ANO7: variants seen among roughly 807,000 people sequenced by gnomAD.
ANO7 encodes anoctamin 7.
A neutral mutation model predicts 115.8 loss-of-function variants in ANO7; 114 were observed. The ratio of observed to expected loss-of-function variants is 0.98; its 90% CI spans 0.85 to 1.15. The LOEUF (loss-of-function observed/expected upper bound fraction) is 1.15, where lower values mean the gene tolerates loss of function less well. ANO7 is among the 50% of genes most tolerant of loss of function. ANO7 has a pLI of 0.00. For missense variants in ANO7, 1,302 were observed against 1,201.2 expected (o/e 1.08, Z -1.24); for synonymous variants, 550 against 498.2 (o/e 1.10, Z -1.38).
At chr2:241,227,433 G>A (rs569426556), downstream of ANO7, 4 of 152,644 alleles carry the variant, frequency 2.6e-5, no homozygotes, top group South Asian at 6.2e-4. Context: ...AGATGATATG[G>A]AAGACATCCA....
Position 241,214,915 on chromosome 2 carries a change from C to T in ANO7, c.1826+13C>T. On this transcript the variant is annotated intron_variant, in intron 18 of 24. Transcript: ENST00000674324. ...AGGTCCTCATCCCGTGAGTCCCCCA[C>T]TCCTCCCTGGGTGGCATCCAAGGAC... is the stretch of plus-strand genomic sequence containing the variant. 1 of 1,610,296 alleles carries T rather than the reference C, an allele frequency of 6.2e-7. No homozygotes were observed. Among genetic ancestry groups the T allele is most frequent in the Non-Finnish European group, 8.5e-7 (1 of 1,179,260 alleles).
chr2:241,194,945 C>T (rs1292712287), intron 3 of ANO7, among the ~76,000 whole-genome samples: 6 of 152,186 alleles, frequency 3.9e-5, no homozygotes, highest in Admixed American at 6.5e-5. Context: ...GGATGACCAG[C>T]GTGTTCCAGC....
chr2:241,237,832 G>T, the ANO7 span, among the ~76,000 whole-genome samples: 1 of 152,228 alleles, frequency 6.6e-6, no homozygotes, highest in African/African-American at 2.4e-5. Flanking sequence ...AATAACCACT[G>T]AAGTGTAAAA....
intron 16 of ANO7, 80 bp from the exon 17 acceptor site, chr2:241,212,492 G>A: frequency 6.8e-7 from 1 of 1,470,418 alleles, no homozygotes; most frequent in Non-Finnish European, 9.4e-7. Context: ...CAGCAGCTCT[G>A]CTGAGGCCTC....
chr2:241,191,132 G>T, intron 2 of ANO7, 62 bp from the exon 3 acceptor site: 2 of 1,585,880 alleles, frequency 1.3e-6, no homozygotes, highest in Non-Finnish European at 1.7e-6. Flanking sequence ...GGGCGGGGTG[G>T]GTGTAGTTGT....
At chr2:241,229,414 G>A (rs117069991), downstream of ANO7, 1,799 of 550,392 alleles carry the variant, frequency 3.3e-3, 59 homozygotes, top group East Asian at 0.055. Context: ...GGTCCTGAGC[G>A]GGCACGGCCA....
At position 241,189,034 on chromosome 2, in the gene ANO7, G is replaced by T. The variant is rs551641518; in HGVS notation, c.-8+268G>T. 3.7e-4 allele frequency among the ~76,000 whole-genome samples: 56 copies of T among 152,340 alleles called. No individual in the cohort carries two copies. The South Asian group carries it at 0.011, about 29-fold the overall frequency. On this transcript the variant is annotated intron_variant, in intron 1 of 24. Transcript: ENST00000674324. ...ATGGAGCAGGTCCCTTCGTTGGGGT[G>T]GGGGGCATCCCCATTCTTTCTGCAG... is the stretch of plus-strand genomic sequence containing the variant.
chr2:241,218,138 G>T (rs1173154108), intron 20 of ANO7, 101 bp from the exon 21 acceptor site: 3 of 400,802 alleles, frequency 7.5e-6, no homozygotes, highest in Non-Finnish European at 2.9e-6. Flanking sequence ...GCGGGGGCGC[G>T]CAGGGGCGGG....
At chr2:241,201,934 C>T (rs1215228798) in intron 7 of ANO7, among the ~76,000 whole-genome samples, 1 of 152,238 alleles carries the variant, frequency 6.6e-6, no homozygotes, top group Non-Finnish European at 1.5e-5. Context: ...GCAGACTCGA[C>T]TCCCACATGC....
At chr2:241,221,768 C>T (rs1249141215) in intron 21 of ANO7, among the ~76,000 whole-genome samples, 1 of 152,026 alleles carries the variant, frequency 6.6e-6, no homozygotes, top group African/African-American at 2.4e-5. Flanking sequence ...ACCTCCACCT[C>T]CCAGGTTCAA....
At chr2:241,234,725 AG>A in the ANO7 span, among the ~76,000 whole-genome samples, 12 of 152,168 alleles carry the variant, frequency 7.9e-5, no homozygotes, top group Non-Finnish European at 1.3e-4. Flanking sequence ...CCTGCTTACC[AG>A]GAAGTCATTC....
rs754994584 is a variant in ANO7, at chr2:241,209,283, A to G, written c.1078-2A>G. On this transcript the variant is annotated splice_acceptor_variant, in intron 11 of 24. Transcript: ENST00000674324. LOFTEE classifies it high-confidence loss of function. Reference sequence around the variant, plus strand: ...TCTGGACGCCCCCGCTCCCTGCCACAGGCCGGCCGGCTGTTCGACCACGGC... The same window carrying G: ...TCTGGACGCCCCCGCTCCCTGCCACGGGCCGGCCGGCTGTTCGACCACGGC... 16 of 1,551,276 alleles carry G rather than the reference A, an allele frequency of 1.0e-5. No individual in the cohort carries two copies. The South Asian group carries it at 1.9e-4, about 18-fold the overall frequency.
chr2:241,213,830 A>G (rs2068766270), intron 17 of ANO7, among the ~76,000 whole-genome samples: 1 of 152,224 alleles, frequency 6.6e-6, no homozygotes, highest in African/African-American at 2.4e-5. Context: ...CCCAACTGCA[A>G]AGTGGCTGCC....
the ANO7 span, among the ~76,000 whole-genome samples, chr2:241,234,550 C>A: frequency 2.0e-5 from 3 of 152,220 alleles, no homozygotes; most frequent in African/African-American, 4.8e-5. Flanking sequence ...CAAACCAGCA[C>A]CCCAGCACAG....
chr2:241,207,743 C>A lies in ANO7; in HGVS notation c.1077+73C>A, dbSNP rs114496336. ...GGAGGGCAGCTCCCCTTGTCCTGGT[C>A]CTGACTCTGCCTGCACCAGCCCCTG... On this transcript the variant is annotated intron_variant, in intron 11 of 24. Coordinates refer to ENST00000674324, the MANE Select transcript of ANO7 (RefSeq NM_001370694.2). The A allele has an allele frequency of 4.9e-3, 6,566 of 1,341,940 alleles. 208 individuals are homozygous for A. The African/African-American group carries it at 0.08, about 16-fold the overall frequency. 83.1% of individuals were successfully genotyped at this position (1,341,940 alleles called of 1,614,324 possible).
At chr2:241,214,656 G>T in intron 17 of ANO7, 149 bp from the exon 18 acceptor site, 1 of 659,258 alleles carries the variant, frequency 1.5e-6, no homozygotes, top group Non-Finnish European at 2.6e-6. Context: ...GAGTGTTATG[G>T]TGGGAGCATC....
At chr2:241,207,066 A>C (rs1393514486) in intron 10 of ANO7, among the ~76,000 whole-genome samples, 1 of 140,706 alleles carries the variant, frequency 7.1e-6, no homozygotes, top group Admixed American at 7.0e-5. Context: ...ACAGGTGGAC[A>C]GGAGTGCTCC....
rs529545916 is a variant in ANO7, at chr2:241,209,068, G to A, written c.1078-217G>A. ...GGAGGCTGAGGCAGGAGAATGGCGT[G>A]AACCCGGGAGGCGAAGCGTGCAGTG... On this transcript the variant is annotated intron_variant, in intron 11 of 24. Transcript: ENST00000674324. Among the ~76,000 whole-genome samples, 3 of 152,342 alleles carry A rather than the reference G, an allele frequency of 2.0e-5. No homozygotes were observed. In the East Asian group the frequency reaches 5.8e-4, roughly 29 times the overall value.
chr2:241,189,177 G>C (rs1176263416), intron 1 of ANO7, among the ~76,000 whole-genome samples: 3 of 150,622 alleles, frequency 2.0e-5, no homozygotes, highest in Non-Finnish European at 4.5e-5. Flanking sequence ...TCCGTAGTGA[G>C]GCTCCCAGCC....
Sources: allele counts gnomAD v4.1 joint callset (sites outside exome capture counted in the v4.1 genomes callset), GRCh38; gene constraint gnomAD v4.1.1; transcripts MANE v1.5; gene names NCBI Gene and HGNC (gene_info 2026-07-23, HGNC 2026-07-21).